The following CHD5 variants were observed in gnomAD, a reference collection of about 807,000 sequenced individuals.
CHD5 encodes the protein chromodomain helicase DNA binding protein 5.
Under a neutral mutation model 230.3 loss-of-function variants are expected in CHD5, and 69 were observed. The observed-to-expected ratio is 0.30, with a 90% CI of 0.25 to 0.37. The LOEUF (loss-of-function observed/expected upper bound fraction) is 0.37, where lower values mean the gene tolerates loss of function less well. Ranked by LOEUF, CHD5 falls within the 10% of genes least tolerant of loss-of-function variation. The pLI, the probability that CHD5 is intolerant of heterozygous loss-of-function variation, is 1.00. For missense variants in CHD5, 1,827 were observed against 2,622.8 expected (o/e 0.70, Z 6.63); for synonymous variants, 1,064 against 1,065.9 (o/e 1.00, Z 0.03).
In CHD5 at chr1:6,134,320, C is replaced by A; in HGVS notation, c.3013-61G>T. 6.3e-7 allele frequency: 1 copy of A among 1,583,842 alleles called. No individual in the cohort carries two copies. ...TCCCCTCTCCTCTCTGACTCTGCAC[C>A]AAAGGGGCCGCAGGGAACAGACAAG... On this transcript the variant is annotated intron_variant, in intron 19 of 41. Transcript: ENST00000262450. The surrounding 1 kb of genome is among the most constrained non-coding windows in gnomAD (Gnocchi z 6.3).
chr1:6,138,520 C>A (rs1402268994), intron 15 of CHD5, among the ~76,000 whole-genome samples: 1 of 152,242 alleles, frequency 6.6e-6, no homozygotes, highest in Admixed American at 6.5e-5. Context: ...TCCTGTGCTG[C>A]ACCAAGCCTG....
rs1666125439 is a variant in CHD5 at position 6,104,430 on chromosome 1, C to G, written c.*1044G>C. ...GGGGAATGGGACAAGTCCAGGCCCC[C>G]AGGGGCAGCCCGGTTCCACCTCCGG... On this transcript the variant is annotated 3_prime_UTR_variant, in exon 42 of 42. Coordinates refer to ENST00000262450, the MANE Select transcript of CHD5 (RefSeq NM_015557.3). The G allele has an allele frequency of 6.6e-6, 1 of 152,432 alleles. No homozygotes were observed. The highest frequency in any genetic ancestry group is 6.5e-5 in the Admixed American group (1 of 15,274). 9.4% of individuals were successfully genotyped at this position (152,432 alleles called of 1,614,324 possible). A position where few individuals can be genotyped will look rare whatever the true frequency, so the allele number is the denominator to read the frequency against.
At chr1:6,106,199 T>A (rs764292846) in intron 41 of CHD5, 35 bp downstream of exon 41, 43 of 1,581,726 alleles carry the variant, frequency 2.7e-5, no homozygotes, top group Middle Eastern at 1.7e-4. Flanking sequence ...AGCAATGGGG[T>A]GGCGGGGAGG....
At position 6,106,579 on chromosome 1, in the gene CHD5, A is replaced by G. The variant is rs749091923; in HGVS notation, c.5742+37T>C. ...CCCAGCCTCCACCCAGGGGCACGCC[A>G]GGGGGCTCGGGCCGGGGCACACAGG... On this transcript the variant is annotated intron_variant, in intron 39 of 41. Coordinates refer to ENST00000262450, the MANE Select transcript of CHD5 (RefSeq NM_015557.3). 53 of 1,551,432 alleles carry G rather than the reference A, an allele frequency of 3.4e-5. 2 individuals are homozygous for G. The South Asian group carries it at 6.3e-4, about 18-fold the overall frequency.
At chr1:6,158,536 G>C (rs189774436) in intron 3 of CHD5, among the ~76,000 whole-genome samples, 1 of 152,244 alleles carries the variant, frequency 6.6e-6, no homozygotes, top group African/African-American at 2.4e-5. Flanking sequence ...TTAGCTGTGC[G>C]TGGTGATGCG....
At chr1:6,113,074 A>G in intron 33 of CHD5, 76 bp from the exon 34 acceptor site, 1 of 939,306 alleles carries the variant, frequency 1.1e-6, no homozygotes, top group Non-Finnish European at 1.7e-6. Flanking sequence ...GTGGCTTTCC[A>G]CCCATGGAAC....
In CHD5 at chr1:6,143,871, C is replaced by T. The variant is rs1234973818; in HGVS notation, c.1995G>A (p.Lys665=). Residue 665 remains lysine (K), a synonymous_variant, in exon 13 of 42, where the codon AAG becomes AAA. Transcript: ENST00000262450. ...GCTTCTCCTGCTTGTCGTCCCTCAG[C>T]TTCTTGCCCTTCTTGAGCAGCCTCT... ...LPKRLLKKGK[K]LRDDKQEKPP... 6.2e-7 allele frequency: 1 copy of T among 1,613,710 alleles called. No individual in the cohort carries two copies. Among genetic ancestry groups the T allele is most frequent in the Non-Finnish European group, 8.5e-7 (1 of 1,180,032 alleles).
Position 6,125,428 on chromosome 1 carries a change from G to A in CHD5, c.4260+96C>T, listed in dbSNP as rs2100843077. 7.3e-7 allele frequency: 1 copy of A among 1,375,982 alleles called. No homozygotes were observed. Among genetic ancestry groups the A allele is most frequent in the East Asian group, 2.5e-5 (1 of 39,824 alleles). 85.2% of individuals were successfully genotyped at this position (1,375,982 alleles called of 1,614,324 possible). On this transcript the variant is annotated intron_variant, in intron 28 of 41. Coordinates refer to ENST00000262450, the MANE Select transcript of CHD5 (RefSeq NM_015557.3). This position sits in a 1 kb window ranked among gnomAD's most constrained non-coding sequence, Gnocchi z 6.7. ...TTCTGTCCAAGCTCCGCCTCTACCT[G>A]GCATGAGACCCGGGGCAGTCCCCCA...
chr1:6,121,130 C>A lies in CHD5; in HGVS notation c.4887G>T (p.Pro1629=). ...EERPEETEKA[P]PSPEQLPREE... is the part of the protein sequence containing the mutation. ...CTCTCGGCAGCTGCTCCGGGGAGGG[C>A]GGGGCCTTCTCCGTCTCCTCTGGCC... Residue 1629 remains proline (P), a synonymous_variant, in exon 33 of 42, where the codon CCG becomes CCT. Coordinates refer to ENST00000262450, the MANE Select transcript of CHD5 (RefSeq NM_015557.3). The surrounding 1 kb of genome is among the most constrained non-coding windows in gnomAD (Gnocchi z 4.5). 1.2e-6 allele frequency: 2 copies of A among 1,609,990 alleles called. No homozygotes were observed. Among genetic ancestry groups the A allele is most frequent in the South Asian group, 1.1e-5 (1 of 90,484 alleles).
In CHD5 at chr1:6,146,718, C is replaced by A; in HGVS notation, c.1537G>T (p.Val513Phe). 1 of 1,613,628 alleles carries A rather than the reference C, an allele frequency of 6.2e-7. No individual in the cohort carries two copies. Among genetic ancestry groups the A allele is most frequent in the South Asian group, 1.1e-5 (1 of 91,006 alleles). The change falls in exon 10 of 42, where the codon GTC (valine) becomes TTC (phenylalanine). Residue 513 changes from valine to phenylalanine, a missense_variant. Coordinates refer to ENST00000262450, the MANE Select transcript of CHD5 (RefSeq NM_015557.3). The surrounding 1 kb of genome is among the most constrained non-coding windows in gnomAD (Gnocchi z 5.1). ...CAGTAGGACAGCCCTGCCCACTTGACAAAGAACTCTCTCTCAGGGATGCCC... is the reference window on the plus strand; with the variant it reads ...CAGTAGGACAGCCCTGCCCACTTGAAAAAGAACTCTCTCTCAGGGATGCCC... ...LEGIPEREFF[V>F]KWAGLSYWHC...
chr1:6,111,722 G>A lies in CHD5; in HGVS notation c.5249+53C>T, dbSNP rs549291221. On this transcript the variant is annotated intron_variant, in intron 36 of 41. Transcript: ENST00000262450. ...GGAGCTCTCAGAGGGCTCTCCCCGAGGTCCACGGAGGAACGGGCAAGTCCC... is the reference window on the plus strand; with the variant it reads ...GGAGCTCTCAGAGGGCTCTCCCCGAAGTCCACGGAGGAACGGGCAAGTCCC... 172 of 1,426,212 alleles carry A rather than the reference G, an allele frequency of 1.2e-4. No individual in the cohort carries two copies. In the African/African-American group the frequency reaches 2.1e-3, roughly 17 times the overall value. The allele number at this position is 1,426,212 out of a possible 1,614,324, so 88.3% of individuals were successfully genotyped here.
Position 6,121,383 on chromosome 1 carries a change from A to G in CHD5, c.4779+111T>C. The G allele has an allele frequency of 1.3e-6, 2 of 1,484,464 alleles. No individual in the cohort carries two copies. Among genetic ancestry groups the G allele is most frequent in the African/African-American group, 1.4e-5 (1 of 71,768 alleles). 92.0% of individuals were successfully genotyped at this position (1,484,464 alleles called of 1,614,324 possible). A position where few individuals can be genotyped will look rare whatever the true frequency, so the allele number is the denominator to read the frequency against. On this transcript the variant is annotated intron_variant, in intron 32 of 41. Transcript: ENST00000262450. The surrounding 1 kb of genome is among the most constrained non-coding windows in gnomAD (Gnocchi z 4.5). ...TCCCCGCCGATTCAGAGCCCCGAAA[A>G]GGGAGCCAGGAGGCCTGGGTTCCAC...
intron 3 of CHD5, among the ~76,000 whole-genome samples, chr1:6,157,643 T>C (rs1667099979): frequency 6.6e-6 from 1 of 152,196 alleles, no homozygotes; most frequent in Non-Finnish European, 1.5e-5. Flanking sequence ...TCTTGCCTCC[T>C]GTTCTGTGAC....
Position 6,130,594 on chromosome 1 carries a change from C to A in CHD5, c.3263-266G>T, listed in dbSNP as rs1666639602. On this transcript the variant is annotated intron_variant, in intron 21 of 41. Transcript: ENST00000262450. This position sits in a 1 kb window ranked among gnomAD's most constrained non-coding sequence, Gnocchi z 4.9. ...TGGAACGAGGAGGTCAATTTTCAAA[C>A]CCCAGATGAGCAAAAAACAAAGTGC... is the stretch of plus-strand genomic sequence containing the variant. Among the ~76,000 whole-genome samples the A allele has an allele frequency of 6.6e-6, 1 of 152,146 alleles. No homozygotes were observed. The highest frequency in any genetic ancestry group is 2.4e-5 in the African/African-American group (1 of 41,410).
intron 6 of CHD5, among the ~76,000 whole-genome samples, chr1:6,151,710 G>A (rs1667011117): frequency 1.3e-5 from 2 of 152,194 alleles, no homozygotes; most frequent in Admixed American, 6.5e-5. Context: ...GCTCCAGGGC[G>A]GGCCACACCT....
rs1286337276 is a variant in CHD5 at position 6,130,839 on chromosome 1, G to C, written c.3263-511C>G. Among the ~76,000 whole-genome samples, 1 of 152,170 alleles carries C rather than the reference G, an allele frequency of 6.6e-6. No individual in the cohort carries two copies. Among genetic ancestry groups the C allele is most frequent in the Admixed American group, 6.5e-5 (1 of 15,288 alleles). On this transcript the variant is annotated intron_variant, in intron 21 of 41. Coordinates refer to ENST00000262450, the MANE Select transcript of CHD5 (RefSeq NM_015557.3). This position sits in a 1 kb window ranked among gnomAD's most constrained non-coding sequence, Gnocchi z 4.9. Reference sequence around the variant, plus strand: ...CAGGGCCCTTCAGTGACCTGGGACTGACCACAGCCCCCACTGGAGCTGCAA... The same window carrying C: ...CAGGGCCCTTCAGTGACCTGGGACTCACCACAGCCCCCACTGGAGCTGCAA...
chr1:6,112,945 T>G lies in CHD5; in HGVS notation c.4966A>C (p.Ile1656Leu). The change falls in exon 34 of 42, where the codon ATC becomes CTC. Residue 1656 changes from isoleucine (I) to leucine (L), a missense_variant. By Grantham distance (5) the Ile-to-Leu change is conservative. Around this residue, in one of 14 missense-constraint regions of CHD5, gnomAD observed 272 missense variants for 263.2 expected, o/e 1.03. Transcript: ENST00000262450. The part of the protein sequence containing the change: ...KILDKLELSL[I>L]HSRGDSSELR... ...TCGGAACTGTCCCCTCTGCTGTGGA[T>G]CAAGCTCAGCTCCAGCTTGTCCAGG... 6.2e-7 allele frequency: 1 copy of G among 1,614,014 alleles called. No homozygotes were observed. Among genetic ancestry groups the G allele is most frequent in the Non-Finnish European group, 8.5e-7 (1 of 1,179,934 alleles).
At chr1:6,141,748 A>G (rs1296014225) in intron 15 of CHD5, among the ~76,000 whole-genome samples, 1 of 152,226 alleles carries the variant, frequency 6.6e-6, no homozygotes, top group Non-Finnish European at 1.5e-5. Context: ...GTGCTAACAG[A>G]GGCAGAAACT....
At chr1:6,145,823 G>A (rs1056286471) in intron 11 of CHD5, among the ~76,000 whole-genome samples, 4 of 152,194 alleles carry the variant, frequency 2.6e-5, no homozygotes, top group Non-Finnish European at 5.9e-5. Context: ...CCCTCCCAGG[G>A]TAGGCAGTGC....
Sources: allele counts gnomAD v4.1 joint callset (sites outside exome capture counted in the v4.1 genomes callset), GRCh38; gene constraint gnomAD v4.1.1; regional missense constraint gnomAD v4.1.1; non-coding constraint Gnocchi (gnomAD v3.1); transcripts MANE v1.5; gene names NCBI Gene and HGNC (gene_info 2026-07-23, HGNC 2026-07-21).